COL28A1: variants seen among roughly 807,000 people sequenced by gnomAD.
COL28A1 encodes the protein collagen type XXVIII alpha 1 chain.
In COL28A1, 161 loss-of-function variants were observed where a neutral mutation model predicts 150.2. The ratio of observed to expected loss-of-function variants is 1.07; its 90% CI spans 0.94 to 1.22. The LOEUF (loss-of-function observed/expected upper bound fraction) is 1.22. Among genes scored for constraint, COL28A1 ranks in the 50% most tolerant of loss-of-function variants. COL28A1 has a pLI of 0.00. For synonymous variants in COL28A1, 552 were observed against 469.7 expected (o/e 1.18, Z -2.26); for missense variants, 1,617 against 1,388.3 (o/e 1.16, Z -2.62).
intron 33 of COL28A1, among the ~76,000 whole-genome samples, chr7:7,366,279 G>C (rs191705138): frequency 4.9e-4 from 74 of 152,108 alleles, no homozygotes; most frequent in African/African-American, 1.7e-3. Flanking sequence ...TTTTAAAATA[G>C]TTTTGAAAAA....
chr7:7,440,008 A>C (rs777815863), intron 21 of COL28A1, among the ~76,000 whole-genome samples: 1 of 152,168 alleles, frequency 6.6e-6, no homozygotes, highest in African/African-American at 2.4e-5. Flanking sequence ...CTTTCTCACA[A>C]TTAGTATCTT....
At chr7:7,347,549 C>T in the COL28A1 span, among the ~76,000 whole-genome samples, 1 of 152,106 alleles carries the variant, frequency 6.6e-6, no homozygotes, top group Non-Finnish European at 1.5e-5. Flanking sequence ...AACTTCACTG[C>T]CCCAGGTTGC....
intron 27 of COL28A1, among the ~76,000 whole-genome samples, chr7:7,402,346 G>T (rs550996249): frequency 1.3e-4 from 20 of 152,316 alleles, no homozygotes; most frequent in Admixed American, 1.2e-3. Context: ...TGGCTCAGAA[G>T]GAGTGGATTC....
intron 21 of COL28A1, among the ~76,000 whole-genome samples, chr7:7,440,368 A>T (rs17167753): frequency 6.6e-6 from 1 of 152,208 alleles, no homozygotes; most frequent in Non-Finnish European, 1.5e-5. Flanking sequence ...ACTTGCTCCA[A>T]GAGGTTCATG....
intron 9 of COL28A1, among the ~76,000 whole-genome samples, chr7:7,508,524 A>G (rs1204155565): frequency 3.3e-5 from 5 of 152,200 alleles, no homozygotes; most frequent in Non-Finnish European, 5.9e-5. Context: ...CTTCCTCCAT[A>G]AAGTTTGTTT....
intron 27 of COL28A1, among the ~76,000 whole-genome samples, chr7:7,402,632 C>T (rs1783271464): frequency 6.6e-6 from 1 of 152,158 alleles, no homozygotes; most frequent in South Asian, 2.1e-4. Flanking sequence ...AAACACTAAA[C>T]AAGACCAACT....
chr7:7,477,246 A>T, intron 13 of COL28A1, 66 bp from the exon 14 acceptor site: 1 of 811,460 alleles, frequency 1.2e-6, no homozygotes, highest in Non-Finnish European at 2.2e-6. Context: ...GTGATGAAAA[A>T]GAGGAAAGAG....
chr7:7,423,742 G>C (rs561848893), intron 25 of COL28A1, among the ~76,000 whole-genome samples: 3 of 152,180 alleles, frequency 2.0e-5, no homozygotes, highest in East Asian at 3.9e-4. Context: ...GAAAGCAAGC[G>C]GGAAAAGCAG....
At chr7:7,474,718 T>C in intron 14 of COL28A1, 49 bp from the exon 15 acceptor site, 1 of 858,620 alleles carries the variant, frequency 1.2e-6, no homozygotes, top group Non-Finnish European at 2.0e-6. Flanking sequence ...AATCTGAATT[T>C]TAAAAGAGTT....
chr7:7,473,912 G>T (rs533643564), intron 15 of COL28A1, among the ~76,000 whole-genome samples: 5 of 149,334 alleles, frequency 3.3e-5, no homozygotes, highest in African/African-American at 1.2e-4. Flanking sequence ...TAGTGTGTGT[G>T]TTTGTTTATA....
At chr7:7,397,546 C>T (rs954498285) in intron 27 of COL28A1, among the ~76,000 whole-genome samples, 1 of 152,140 alleles carries the variant, frequency 6.6e-6, no homozygotes, top group Non-Finnish European at 1.5e-5. Flanking sequence ...TACCTTAATA[C>T]ACTTCCATTT....
chr7:7,354,359 C>T (rs1185559029), downstream of COL28A1, among the ~76,000 whole-genome samples: 4 of 152,052 alleles, frequency 2.6e-5, no homozygotes, highest in Non-Finnish European at 4.4e-5. Context: ...TCAACCCAGA[C>T]CACAGGAGCA....
intron 27 of COL28A1, among the ~76,000 whole-genome samples, chr7:7,386,520 A>C (rs564109340): frequency 6.6e-6 from 1 of 152,346 alleles, no homozygotes; most frequent in East Asian, 1.9e-4. Flanking sequence ...AAGGAGACAC[A>C]GGCTTGGAAA....
At chr7:7,541,811 A>G in the COL28A1 span, among the ~76,000 whole-genome samples, 1 of 152,174 alleles carries the variant, frequency 6.6e-6, no homozygotes, top group Admixed American at 6.5e-5. Flanking sequence ...GAAATCCATA[A>G]CTCATTCACT....
intron 34 of COL28A1, among the ~76,000 whole-genome samples, chr7:7,359,522 T>C (rs1370058143): frequency 6.6e-6 from 1 of 152,182 alleles, no homozygotes; most frequent in African/African-American, 2.4e-5. Context: ...CCCTTTTTAT[T>C]GTTTGGTACT....
At chr7:7,474,503 G>A (rs2128351015) in intron 15 of COL28A1, 98 bp downstream of exon 15, 2 of 567,268 alleles carry the variant, frequency 3.5e-6, no homozygotes, top group South Asian at 3.2e-5. Context: ...TACCTGTGTG[G>A]CATGGTTGTC....
chr7:7,450,900 C>T (rs528915349), intron 18 of COL28A1, among the ~76,000 whole-genome samples: 44 of 152,112 alleles, frequency 2.9e-4, no homozygotes, highest in Non-Finnish European at 5.3e-4. Context: ...ATAAGGCTGA[C>T]TATAAATATA....
downstream of COL28A1, among the ~76,000 whole-genome samples, chr7:7,352,769 A>G (rs1780260178): frequency 6.6e-6 from 1 of 152,204 alleles, no homozygotes; most frequent in Admixed American, 6.5e-5. Flanking sequence ...GTTGTTGTTT[A>G]AGCCACCAAA....
Position 7,474,600 on chromosome 7 carries a change from C to A in COL28A1, c.1302+1G>T, listed in dbSNP as rs951848955. On this transcript the variant is annotated splice_donor_variant, in intron 15 of 34. Transcript: ENST00000399429. LOFTEE classifies it high-confidence loss of function. Reference sequence around the variant, plus strand: ...CCAGTGTACACCCTATTATACAGTACCTTCTCCCCTTTGATTGACAGGCCT... The same window carrying A: ...CCAGTGTACACCCTATTATACAGTAACTTCTCCCCTTTGATTGACAGGCCT... 8.7e-7 allele frequency: 1 copy of A among 1,150,720 alleles called. No homozygotes were observed. The allele number at this position is 1,150,720 out of a possible 1,614,324, so 71.3% of individuals were successfully genotyped here. A position where few individuals can be genotyped will look rare whatever the true frequency, so the allele number is the denominator to read the frequency against.
Sources: allele counts gnomAD v4.1 joint callset (sites outside exome capture counted in the v4.1 genomes callset), GRCh38; gene constraint gnomAD v4.1.1; transcripts MANE v1.5; gene names NCBI Gene and HGNC (gene_info 2026-07-23, HGNC 2026-07-21).